Variants in CNTNAP3B observed in about 807,000 individuals in gnomAD.
The protein encoded by CNTNAP3B is contactin associated protein family member 3B.
A neutral mutation model predicts 108.9 loss-of-function variants in CNTNAP3B; 25 were observed. The observed-to-expected ratio is 0.23, with a 90% confidence interval of 0.17 to 0.32. The LOEUF (loss-of-function observed/expected upper bound fraction) is 0.32. CNTNAP3B is among the 10% of genes least tolerant of loss of function. The probability of loss-of-function intolerance (pLI) is 1.00; values close to 1 mark genes in which losing one functional copy is unlikely to be tolerated. For synonymous variants in CNTNAP3B, 103 were observed against 473.4 expected (o/e 0.22, Z 10.16); for missense variants, 252 against 1,210.4 (o/e 0.21, Z 11.75).
chr9:41,972,901 C>T (rs1279918725), intron 9 of CNTNAP3B, among the ~76,000 whole-genome samples: 3 of 129,638 alleles, frequency 2.3e-5, no homozygotes, highest in Non-Finnish European at 4.9e-5. Context: ...CTTTCTTTCA[C>T]CATGTGGTGT....
At chr9:41,931,015 CTT>C (rs1823962343) in intron 14 of CNTNAP3B, among the ~76,000 whole-genome samples, 2 of 152,368 alleles carry the variant, frequency 1.3e-5, no homozygotes, top group East Asian at 1.9e-4. Flanking sequence ...ACAAAACACT[CTT>C]AGTCCAGTTA....
Position 41,996,249 on chromosome 9 carries a change from C to T in CNTNAP3B, c.1027G>A (p.Val343Ile), listed in dbSNP as rs1166115110. ...LENLYYNGVD[V>I]TELAKKHKPQ... ...TTGTGTTTCTTGGCTAATTCGGTAA[C>T]ATCCACTCCATTATAATAAAGATTT... The change falls in exon 7 of 24, where the codon GTT becomes ATT. Residue 343 changes from valine to isoleucine, a missense_variant. Transcript: ENST00000377561. 1.0e-5 allele frequency: 15 copies of T among 1,470,050 alleles called. 1 individual carries two copies. Among genetic ancestry groups the T allele is most frequent in the African/African-American group, 8.3e-5 (5 of 60,112 alleles). 91.1% of individuals were successfully genotyped at this position (1,470,050 alleles called of 1,614,324 possible). A position where few individuals can be genotyped will look rare whatever the true frequency, so the allele number is the denominator to read the frequency against.
intron 1 of CNTNAP3B, among the ~76,000 whole-genome samples, chr9:42,117,005 G>T (rs1484812082): frequency 1.4e-5 from 2 of 139,204 alleles, no homozygotes; most frequent in African/African-American, 5.7e-5. Flanking sequence ...CCCAGTACAG[G>T]AGCACCCAGA....
Position 42,055,219 on chromosome 9 carries a change from C to T in CNTNAP3B, c.390+21650G>A, listed in dbSNP as rs545811325. Among the ~76,000 whole-genome samples, 7 of 138,020 alleles carry T rather than the reference C, an allele frequency of 5.1e-5. No individual in the cohort carries two copies. The South Asian group carries it at 7.0e-4, about 14-fold the overall frequency. The allele number at this position is 138,020 out of a possible 152,430, so 90.5% of individuals were successfully genotyped here. A position where few individuals can be genotyped will look rare whatever the true frequency, so the allele number is the denominator to read the frequency against. ...TCCATTTTATATTTTTATCCCATTC[C>T]CATTACCCAGAGGGAAAAAATGCTA... is the stretch of plus-strand genomic sequence containing the variant. On this transcript the variant is annotated intron_variant, in intron 3 of 23. Coordinates refer to ENST00000377561, the MANE Select transcript of CNTNAP3B (RefSeq NM_001201380.3).
intron 3 of CNTNAP3B, among the ~76,000 whole-genome samples, chr9:42,056,174 A>T (rs1250019998): frequency 7.5e-6 from 1 of 133,776 alleles, no homozygotes; most frequent in African/African-American, 3.0e-5. Context: ...AATTTAATGC[A>T]TTAACTATGA....
chr9:41,954,358 G>C (rs1472636132), intron 12 of CNTNAP3B, among the ~76,000 whole-genome samples: 1 of 152,268 alleles, frequency 6.6e-6, no homozygotes, highest in Non-Finnish European at 1.5e-5. Context: ...TAAATGGCTT[G>C]TGCGTAAGAC....
chr9:41,960,291 C>G (rs140904861), intron 12 of CNTNAP3B: 10 of 170,424 alleles, frequency 5.9e-5, no homozygotes, highest in African/African-American at 2.4e-4. Context: ...AGCCACCATG[C>G]GCAGCCCAAG....
intron 15 of CNTNAP3B, among the ~76,000 whole-genome samples, chr9:41,924,653 A>G (rs1375246633): frequency 0.14 from 1,740 of 12,632 alleles, 4 homozygotes; most frequent in Non-Finnish European, 0.22. Context: ...CTGCACACAC[A>G]CACACACACA....
chr9:41,933,667 A>G (rs1436791965), intron 14 of CNTNAP3B, among the ~76,000 whole-genome samples: 1 of 152,248 alleles, frequency 6.6e-6, no homozygotes, highest in African/African-American at 2.4e-5. Flanking sequence ...ATATTTCTTT[A>G]TATTATTTTG....
chr9:41,968,174 G>A (rs1179627319), intron 10 of CNTNAP3B, among the ~76,000 whole-genome samples: 3 of 151,604 alleles, frequency 2.0e-5, no homozygotes, highest in African/African-American at 7.3e-5. Context: ...CACTGCAAAT[G>A]GATCATATTT....
Position 42,113,584 on chromosome 9 carries a change from C to T in CNTNAP3B, c.86-8845G>A, listed in dbSNP as rs1037174524. On this transcript the variant is annotated intron_variant, in intron 1 of 23. Coordinates refer to ENST00000377561, the MANE Select transcript of CNTNAP3B (RefSeq NM_001201380.3). ...ATAATTTAAAAAGAAAATCATGTGG[C>T]GATGTCATCACTAATAATTGTTATT... is the stretch of plus-strand genomic sequence containing the variant. 6.5e-5 allele frequency among the ~76,000 whole-genome samples: 9 copies of T among 139,040 alleles called. 1 individual carries two copies. Among genetic ancestry groups the T allele is most frequent in the South Asian group, 4.6e-4 (2 of 4,316 alleles). The allele number at this position is 139,040 out of a possible 152,430, so 91.2% of individuals were successfully genotyped here. A position where few individuals can be genotyped will look rare whatever the true frequency, so the allele number is the denominator to read the frequency against.
At chr9:41,918,472 C>T (rs575775535) in intron 18 of CNTNAP3B, among the ~76,000 whole-genome samples, 1 of 114,634 alleles carries the variant, frequency 8.7e-6, no homozygotes, top group Middle Eastern at 4.5e-3. Flanking sequence ...ATACACACAC[C>T]CCCCAAATAT....
chr9:41,962,707 G>A (rs1170004872), intron 11 of CNTNAP3B, among the ~76,000 whole-genome samples: 1 of 146,412 alleles, frequency 6.8e-6, no homozygotes, highest in Non-Finnish European at 1.5e-5. Context: ...TGTAATCCCA[G>A]CGCTTCGGGA....
intron 1 of CNTNAP3B, among the ~76,000 whole-genome samples, chr9:42,125,374 A>T (rs1272668525): frequency 1.4e-5 from 2 of 141,124 alleles, no homozygotes; most frequent in East Asian, 2.2e-4. Flanking sequence ...CCCTTGCTAT[A>T]CTGTGGATGC....
At chr9:41,919,431 T>C (rs1435612271) in intron 18 of CNTNAP3B, among the ~76,000 whole-genome samples, 2 of 152,158 alleles carry the variant, frequency 1.3e-5, no homozygotes, top group Non-Finnish European at 2.9e-5. Context: ...TTTGAAAACA[T>C]GATTGTACCT....
rs550091562 is a variant in CNTNAP3B at position 42,125,909 on chromosome 9, T to C, written c.85+3101A>G. 1.3e-4 allele frequency among the ~76,000 whole-genome samples: 17 copies of C among 130,900 alleles called. 3 individuals are homozygous for C. The highest frequency in any genetic ancestry group is 2.3e-4 in the Non-Finnish European group (14 of 62,182). The allele number at this position is 130,900 out of a possible 152,430, so 85.9% of individuals were successfully genotyped here. On this transcript the variant is annotated intron_variant, in intron 1 of 23. Transcript: ENST00000377561. ...CTGAGATTACAGCTGTGAGCCACCG[T>C]GCCCAGCCTGAACTCCATTTTTTAT... is the stretch of plus-strand genomic sequence containing the variant.
In CNTNAP3B at chr9:42,030,813, G is replaced by GAGGAGAGA. The variant is rs1156882673; in HGVS notation, c.391-17289_391-17288insTCTCTCCT. 7.6e-5 allele frequency among the ~76,000 whole-genome samples: 5 copies of GAGGAGAGA among 65,776 alleles called. No homozygotes were observed. In the East Asian group the frequency reaches 2.5e-3, roughly 33 times the overall value. 43.2% of individuals were successfully genotyped at this position (65,776 alleles called of 152,430 possible). On this transcript the variant is annotated intron_variant, in intron 3 of 23. Transcript: ENST00000377561. ...TGTGCGAGAGAGAGAGAGAGAGAGAGGAGAGAGAGAGAGAGAGAGAGAGAG... is the reference window on the plus strand; with the variant it reads ...TGTGCGAGAGAGAGAGAGAGAGAGAGAGGAGAGAGAGAGAGAGAGAGAGAGAGAGAGAG...
chr9:42,060,011 T>C (rs1827146361), intron 3 of CNTNAP3B, among the ~76,000 whole-genome samples: 1 of 151,344 alleles, frequency 6.6e-6, no homozygotes, highest in South Asian at 2.1e-4. Context: ...TTTGGATTTT[T>C]TTTCTTCTTT....
In CNTNAP3B at chr9:42,115,755, TG is replaced by T. The variant is rs1193288850; in HGVS notation, c.86-11017del. Among the ~76,000 whole-genome samples the T allele has an allele frequency of 2.7e-4, 32 of 119,664 alleles. 3 individuals carry two copies. Among genetic ancestry groups the T allele is most frequent in the African/African-American group, 1.1e-3 (32 of 28,312 alleles). The allele number at this position is 119,664 out of a possible 152,430, so 78.5% of individuals were successfully genotyped here. A position where few individuals can be genotyped will look rare whatever the true frequency, so the allele number is the denominator to read the frequency against. The stretch of plus-strand genomic sequence containing the variant: ...CCAAAGGTACATAAAACCACAAAGA[TG>T]GGGAGAAACCAGAGCAGAAAAGCTG... On this transcript the variant is annotated intron_variant, in intron 1 of 23. Transcript: ENST00000377561.
Sources: gnomAD v4.1 joint callset for allele counts (sites outside exome capture counted in the v4.1 genomes callset) on GRCh38, gnomAD v4.1.1 for gene constraint, MANE v1.5 for transcripts, NCBI Gene and HGNC (gene_info 2026-07-23, HGNC 2026-07-21) for gene names.